NSMAF: variants seen among roughly 807,000 people sequenced by gnomAD.
The protein encoded by NSMAF is protein FAN.
Under a neutral mutation model 134.9 loss-of-function variants are expected in NSMAF, and 90 were observed. That is an observed-to-expected ratio of 0.67 (90% CI 0.56 to 0.79). NSMAF has a LOEUF of 0.79. NSMAF is among the 30% of genes least tolerant of loss of function. The pLI, the probability that NSMAF is intolerant of heterozygous loss-of-function variation, is 0.00. For missense variants in NSMAF, 1,010 were observed against 1,119.0 expected (o/e 0.90, Z 1.39); for synonymous variants, 358 against 389.6 (o/e 0.92, Z 0.96).
intron 9 of NSMAF, among the ~76,000 whole-genome samples, chr8:58,622,366 G>C (rs1048276835): frequency 6.6e-6 from 1 of 151,688 alleles, no homozygotes; most frequent in Non-Finnish European, 1.5e-5. Flanking sequence ...TCAAGTAGCT[G>C]GAACTTCAGG....
chr8:58,658,388 T>C (rs1230261449), intron 1 of NSMAF, among the ~76,000 whole-genome samples: 4 of 152,240 alleles, frequency 2.6e-5, no homozygotes, highest in African/African-American at 9.6e-5. Flanking sequence ...GTTTTCTGTG[T>C]ATCGTATCTT....
At chr8:58,653,654 T>TA (rs917765606) in intron 1 of NSMAF, among the ~76,000 whole-genome samples, 27 of 151,846 alleles carry the variant, frequency 1.8e-4, no homozygotes, top group Non-Finnish European at 3.7e-4. Flanking sequence ...GAATACAAGT[T>TA]AAAAAAAATA....
In NSMAF at chr8:58,599,381, A is replaced by G. The variant is rs200412603; in HGVS notation, c.1454-18T>C. The stretch of plus-strand genomic sequence containing the variant: ...CTCGGGACCTATTAGATTAGACTCA[A>G]TCGAAAAATCATGGAGTCTTCATTT... On this transcript the variant is annotated intron_variant, in intron 18 of 30. Coordinates refer to ENST00000038176, the MANE Select transcript of NSMAF (RefSeq NM_003580.4). 265 of 1,610,570 alleles carry G rather than the reference A, an allele frequency of 1.6e-4. No homozygotes were observed. Among genetic ancestry groups the G allele is most frequent in the Non-Finnish European group, 2.1e-4 (251 of 1,178,878 alleles).
At chr8:58,591,612 G>A (rs939272234) in intron 23 of NSMAF, among the ~76,000 whole-genome samples, 2 of 149,156 alleles carry the variant, frequency 1.3e-5, no homozygotes, top group African/African-American at 5.0e-5. Context: ...TCAGCCTCCC[G>A]AATAGCTGGG....
Position 58,658,949 on chromosome 8 carries a change from G to C in NSMAF, c.59+624C>G, listed in dbSNP as rs909297164. 1.5e-4 allele frequency among the ~76,000 whole-genome samples: 23 copies of C among 152,192 alleles called. 1 individual carries two copies. Among genetic ancestry groups the C allele is most frequent in the Admixed American group, 1.4e-3 (21 of 15,290 alleles). ...CCACTGCGCGGGGAGCAAGTGTTTGGGAGGCAGGACCTTGGCTTTCCTCAG... is the reference window on the plus strand; with the variant it reads ...CCACTGCGCGGGGAGCAAGTGTTTGCGAGGCAGGACCTTGGCTTTCCTCAG... On this transcript the variant is annotated intron_variant, in intron 1 of 30. Coordinates refer to ENST00000038176, the MANE Select transcript of NSMAF (RefSeq NM_003580.4).
At position 58,587,603 on chromosome 8, in the gene NSMAF, G is replaced by T. The variant is rs1263730492; in HGVS notation, c.2295+15C>A. 2 of 1,611,458 alleles carry T rather than the reference G, an allele frequency of 1.2e-6. No homozygotes were observed. Among genetic ancestry groups the T allele is most frequent in the East Asian group, 2.2e-5 (1 of 44,888 alleles). ...TTAAGGTCAGTTTTCTGTACAGTTT[G>T]TTGCTGGTACTCACACTGACATCAT... On this transcript the variant is annotated intron_variant, in intron 27 of 30. Transcript: ENST00000038176.
chr8:58,602,995 G>A (rs1434184339), intron 13 of NSMAF, among the ~76,000 whole-genome samples: 1 of 152,110 alleles, frequency 6.6e-6, no homozygotes, highest in Non-Finnish European at 1.5e-5. Context: ...CCTTCAAGAA[G>A]TATGGTGGAA....
chr8:58,639,214 G>T (rs1362006797), intron 2 of NSMAF, among the ~76,000 whole-genome samples: 2 of 151,966 alleles, frequency 1.3e-5, no homozygotes, highest in Non-Finnish European at 2.9e-5. Flanking sequence ...AACCCGGAAG[G>T]CAGAGGTTGC....
intron 9 of NSMAF, among the ~76,000 whole-genome samples, chr8:58,615,353 GA>G (rs1293505462): frequency 6.6e-6 from 1 of 152,136 alleles, no homozygotes; most frequent in African/African-American, 2.4e-5. Context: ...GGCACTTATG[GA>G]ATACTATTTT....
At chr8:58,601,167 A>G in intron 16 of NSMAF, 118 bp downstream of exon 16, 1 of 838,538 alleles carries the variant, frequency 1.2e-6, no homozygotes, top group Non-Finnish European at 1.9e-6. Context: ...AGATAGAACA[A>G]TTAGTGATTT....
intron 1 of NSMAF, among the ~76,000 whole-genome samples, chr8:58,648,374 G>A (rs143006088): frequency 2.6e-5 from 4 of 152,334 alleles, no homozygotes; most frequent in East Asian, 3.9e-4. Context: ...TGGGAAATTT[G>A]TAGCCCGGCC....
rs1805920306 is a variant in NSMAF, at chr8:58,587,640, G to A, written c.2273C>T (p.Ala758Val). The A allele has an allele frequency of 1.9e-6, 3 of 1,613,964 alleles. No individual in the cohort carries two copies. The highest frequency in any genetic ancestry group is 2.7e-5 in the African/African-American group (2 of 74,914). ...CACACTGACATCATGTTCCAGCTCGGCCAGCAAGTCAAAGTGGTGTCTTTT... is the reference window on the plus strand; with the variant it reads ...CACACTGACATCATGTTCCAGCTCGACCAGCAAGTCAAAGTGGTGTCTTTT... The part of the protein sequence containing the change: ...GTKRHHFDLL[A>V]ELEHDVSVDT... Residue 758 changes from alanine to valine, a missense_variant, in exon 27 of 31, where the codon GCC (alanine) becomes GTC (valine). Physicochemically the swap from Ala to Val is moderately conservative, Grantham distance 64 (BLOSUM62 0). Transcript: ENST00000038176.
intron 1 of NSMAF, among the ~76,000 whole-genome samples, chr8:58,658,784 C>T (rs1050087126): frequency 2.0e-5 from 3 of 152,188 alleles, no homozygotes; most frequent in African/African-American, 7.2e-5. Flanking sequence ...CCCTTGGGGA[C>T]AGGTCCAGCA....
chr8:58,647,461 T>C (rs1807484336), intron 1 of NSMAF, among the ~76,000 whole-genome samples: 1 of 152,226 alleles, frequency 6.6e-6, no homozygotes, highest in Non-Finnish European at 1.5e-5. Context: ...AGTTTGGATG[T>C]TCTGTCCTCT....
At chr8:58,642,900 C>T in intron 2 of NSMAF, 84 bp downstream of exon 2, 3 of 972,146 alleles carry the variant, frequency 3.1e-6, no homozygotes, top group Non-Finnish European at 4.9e-6. Context: ...CTTTAGTTAA[C>T]ACCTATATGA....
intron 30 of NSMAF, 92 bp downstream of exon 30, chr8:58,585,560 T>C: frequency 2.2e-6 from 2 of 901,436 alleles, no homozygotes; most frequent in Non-Finnish European, 3.6e-6. Flanking sequence ...GGGTGTTTTT[T>C]GCCCAAAAAG....
chr8:58,595,667 G>A lies in NSMAF; in HGVS notation c.1793-8C>T, dbSNP rs752834250. 1.9e-6 allele frequency: 3 copies of A among 1,594,674 alleles called. No homozygotes were observed. Among genetic ancestry groups the A allele is most frequent in the African/African-American group, 1.3e-5 (1 of 74,238 alleles). ...CTTCAAAAGACTCTTCACCTGGAGA[G>A]ACGACATTAAATTTTTGCTAAGTCA... is the stretch of plus-strand genomic sequence containing the variant. On this transcript the variant is annotated splice_region_variant and splice_polypyrimidine_tract_variant and intron_variant, in intron 21 of 30. Transcript: ENST00000038176.
chr8:58,613,970 A>T (rs1383669257), intron 9 of NSMAF, among the ~76,000 whole-genome samples: 1 of 152,166 alleles, frequency 6.6e-6, no homozygotes, highest in Non-Finnish European at 1.5e-5. Flanking sequence ...AATTAGGGAC[A>T]CTCAAGTGGT....
At chr8:58,595,525 T>C in intron 22 of NSMAF, 35 bp downstream of exon 22, 7 of 1,462,408 alleles carry the variant, frequency 4.8e-6, no homozygotes, top group South Asian at 1.1e-5. Flanking sequence ...TTACCAGGAC[T>C]ATCAGCTGCT....
Sources: gnomAD v4.1 joint callset for allele counts (sites outside exome capture counted in the v4.1 genomes callset) on GRCh38, gnomAD v4.1.1 for gene constraint, MANE v1.5 for transcripts, NCBI Gene and HGNC (gene_info 2026-07-23, HGNC 2026-07-21) for gene names.